UGT1A3: variants seen among roughly 807,000 people sequenced by gnomAD.
The protein encoded by UGT1A3 is UDP-glucuronosyltransferase 1A3.
A neutral mutation model predicts 41.0 loss-of-function variants in UGT1A3; 31 were observed. The ratio of observed to expected loss-of-function variants is 0.76; its 90% CI spans 0.57 to 1.02. The LOEUF (loss-of-function observed/expected upper bound fraction) is 1.02, where lower values mean the gene tolerates loss of function less well. Among genes scored for constraint, UGT1A3 ranks in the 50% least tolerant of loss-of-function variants. The probability of loss-of-function intolerance (pLI) is 0.00; values close to 1 mark genes in which losing one functional copy is unlikely to be tolerated. For missense variants in UGT1A3, 737 were observed against 671.0 expected, an observed-to-expected ratio of 1.10 and a Z score of -1.09; for synonymous variants, 262 against 257.6, an observed-to-expected ratio of 1.02 and a Z score of -0.17.
intron 1 of UGT1A3, chr2:233,754,923 C>G (rs1466218732): frequency 7.4e-7 from 1 of 1,349,888 alleles, no homozygotes; most frequent in Non-Finnish European, 9.9e-7. Flanking sequence ...CAGCGGGTTT[C>G]CCAAGAGGTC....
At chr2:233,756,421 TG>T (rs1436391565) in intron 1 of UGT1A3, 1 of 152,148 alleles carries the variant, frequency 6.6e-6, no homozygotes, top group African/African-American at 2.4e-5. Flanking sequence ...TTATTTGTAC[TG>T]TTTTTTTTTC....
chr2:233,743,604 C>T (rs780370004), intron 1 of UGT1A3: 10 of 1,367,184 alleles, frequency 7.3e-6, no homozygotes, highest in Middle Eastern at 2.1e-4. Flanking sequence ...TCCTGGCCGC[C>T]GAAGAACTCC....
chr2:233,732,685 AC>A (rs1163255557), intron 1 of UGT1A3, among the ~76,000 whole-genome samples: 1 of 150,632 alleles, frequency 6.6e-6, no homozygotes, highest in African/African-American at 2.4e-5. Context: ...TGGTACCAGC[AC>A]CCATGCTGTT....
intron 1 of UGT1A3, among the ~76,000 whole-genome samples, chr2:233,766,262 CCCGGG>C (rs2126023646): frequency 2.9e-5 from 2 of 68,082 alleles, no homozygotes; most frequent in East Asian, 5.0e-4. Flanking sequence ...CGCTCAGTGG[CCCGGG>C]CTCGGTGGCC....
At position 233,743,506 on chromosome 2, in the gene UGT1A3, G is replaced by A. The variant is rs185061073; in HGVS notation, c.867+13513G>A. ...ACTGAAGGCAGAGAAAAGGGGTGCA[G>A]ACGCTCTGCTTCTGCTTCCCCAGCA... On this transcript the variant is annotated intron_variant, in intron 1 of 4. Transcript: ENST00000482026. 5.9e-6 allele frequency: 8 copies of A among 1,367,240 alleles called. No individual in the cohort carries two copies. The Admixed American group carries it at 1.1e-4, about 20-fold the overall frequency. The allele number at this position is 1,367,240 out of a possible 1,614,324, so 84.7% of individuals were successfully genotyped here. A position where few individuals can be genotyped will look rare whatever the true frequency, so the allele number is the denominator to read the frequency against.
chr2:233,751,468 G>T (rs1694737007), intron 1 of UGT1A3, among the ~76,000 whole-genome samples: 1 of 152,190 alleles, frequency 6.6e-6, no homozygotes, highest in African/African-American at 2.4e-5. Flanking sequence ...AGGCACGATT[G>T]GTTTTGAAAT....
In UGT1A3 at chr2:233,772,878, G is replaced by T; in HGVS notation, c.*319G>T. 3.5e-6 allele frequency: 2 copies of T among 577,672 alleles called. No individual in the cohort carries two copies. The highest frequency in any genetic ancestry group is 5.2e-5 in the East Asian group (1 of 19,352). The allele number at this position is 577,672 out of a possible 1,614,324, so 35.8% of individuals were successfully genotyped here. A position where few individuals can be genotyped will look rare whatever the true frequency, so the allele number is the denominator to read the frequency against. Reference sequence around the variant, plus strand: ...GAAACATGGCCTGTTTGGGAGTGCGGGATTCAAAGGTGGTCCCACGGCTGC... The same window carrying T: ...GAAACATGGCCTGTTTGGGAGTGCGTGATTCAAAGGTGGTCCCACGGCTGC... On this transcript the variant is annotated 3_prime_UTR_variant, in exon 5 of 5. Transcript: ENST00000482026.
At chr2:233,762,024 A>T (rs1393568604) in intron 1 of UGT1A3, among the ~76,000 whole-genome samples, 1 of 151,856 alleles carries the variant, frequency 6.6e-6, no homozygotes, top group Non-Finnish European at 1.5e-5. Context: ...TTTGTATTTT[A>T]TTTTTTTTAA....
At chr2:233,743,069 T>G in intron 1 of UGT1A3, 1 of 339,242 alleles carries the variant, frequency 2.9e-6, no homozygotes, top group Non-Finnish European at 5.8e-6. Context: ...AGAACAGGTG[T>G]TGGCATGAAG....
At chr2:233,757,676 T>G (rs986940319) in intron 1 of UGT1A3, among the ~76,000 whole-genome samples, 1 of 151,088 alleles carries the variant, frequency 6.6e-6, no homozygotes, top group African/African-American at 2.4e-5. Flanking sequence ...ATTCAAGGAA[T>G]TCAAGGGATT....
At position 233,764,952 on chromosome 2, in the gene UGT1A3, G is replaced by A. The variant is rs141731857; in HGVS notation, c.868-2082G>A. On this transcript the variant is annotated intron_variant, in intron 1 of 4. Transcript: ENST00000482026. Reference sequence around the variant, plus strand: ...GCTGGTGAGAGTGGCGGGGAGAGAGGGCTCACCTTGGGAGAAGGATGGTCA... The same window carrying A: ...GCTGGTGAGAGTGGCGGGGAGAGAGAGCTCACCTTGGGAGAAGGATGGTCA... Among the ~76,000 whole-genome samples the A allele has an allele frequency of 2.5e-3, 384 of 152,210 alleles. 3 individuals are homozygous for A. Among genetic ancestry groups the A allele is most frequent in the South Asian group, 8.5e-3 (41 of 4,812 alleles).
chr2:233,733,707 C>G (rs1270578849), intron 1 of UGT1A3, among the ~76,000 whole-genome samples: 1 of 152,160 alleles, frequency 6.6e-6, no homozygotes, highest in Non-Finnish European at 1.5e-5. Context: ...ATTTGGTTTG[C>G]AGAATTTTAC....
At chr2:233,765,838 T>A (rs1248201211) in intron 1 of UGT1A3, among the ~76,000 whole-genome samples, 1 of 152,108 alleles carries the variant, frequency 6.6e-6, no homozygotes, top group Non-Finnish European at 1.5e-5. Flanking sequence ...AAAACTTTCC[T>A]TGTCCCCCTC....
At chr2:233,734,548 T>C (rs1157329537) in intron 1 of UGT1A3, among the ~76,000 whole-genome samples, 1 of 152,212 alleles carries the variant, frequency 6.6e-6, no homozygotes, top group Non-Finnish European at 1.5e-5. Context: ...TTTCTTCCCT[T>C]CTGCTAGCTT....
rs1196428735 is a variant in UGT1A3 at position 233,732,781 on chromosome 2, T to C, written c.867+2788T>C. Reference sequence around the variant, plus strand: ...TTTTTTTTTTTTTTTTGCTTAGGATTGTCTTGGCAATGCAGGCTCTTTTTT... The same window carrying C: ...TTTTTTTTTTTTTTTTGCTTAGGATCGTCTTGGCAATGCAGGCTCTTTTTT... On this transcript the variant is annotated intron_variant, in intron 1 of 4. Transcript: ENST00000482026. Among the ~76,000 whole-genome samples the C allele has an allele frequency of 2.6e-5, 4 of 151,222 alleles. No individual in the cohort carries two copies. In the East Asian group the frequency reaches 7.7e-4, roughly 29 times the overall value.
At chr2:233,735,935 C>T (rs1483779972) in intron 1 of UGT1A3, among the ~76,000 whole-genome samples, 1 of 151,986 alleles carries the variant, frequency 6.6e-6, no homozygotes, top group Non-Finnish European at 1.5e-5. Context: ...CTGTGGCTGC[C>T]CTTAACATTT....
At chr2:233,741,525 C>T (rs916484362) in intron 1 of UGT1A3, 1 of 151,902 alleles carries the variant, frequency 6.6e-6, no homozygotes, top group South Asian at 2.1e-4. Context: ...CCTTAACAGT[C>T]TGTCTTATTC....
At chr2:233,771,575 T>A (rs927540192) in intron 4 of UGT1A3, 6 of 152,302 alleles carry the variant, frequency 3.9e-5, no homozygotes, top group African/African-American at 1.4e-4. Context: ...AGGTGGTTGT[T>A]TACAACTTCA....
chr2:233,733,177 G>T (rs2078363766), intron 1 of UGT1A3, among the ~76,000 whole-genome samples: 1 of 152,226 alleles, frequency 6.6e-6, no homozygotes, highest in Non-Finnish European at 1.5e-5. Flanking sequence ...GGACTTTGCT[G>T]AAGTTGCTTA....
Sources: gnomAD v4.1 joint callset for allele counts (sites outside exome capture counted in the v4.1 genomes callset) on GRCh38, gnomAD v4.1.1 for gene constraint, MANE v1.5 for transcripts, NCBI Gene and HGNC (gene_info 2026-07-23, HGNC 2026-07-21) for gene names.